Variants in AOPEP observed in about 807,000 individuals in gnomAD.
The protein encoded by AOPEP is aminopeptidase O (putative), also known as aminopeptidase O.
AOPEP carries 77 observed loss-of-function variants against 98.1 expected under a neutral mutation model. The ratio of observed to expected loss-of-function variants is 0.78; its 90% CI spans 0.65 to 0.95. The LOEUF is 0.95. Among genes scored for constraint, AOPEP ranks in the 40% least tolerant of loss-of-function variants. AOPEP has a pLI of 0.00. For missense variants in AOPEP, 1,024 were observed against 1,024.7 expected, an observed-to-expected ratio of 1.00 and a Z score of 0.01; for synonymous variants, 346 against 365.3, an observed-to-expected ratio of 0.95 and a Z score of 0.60.
At chr9:94,876,368 C>CTTTTT (rs566693216) in intron 5 of AOPEP, among the ~76,000 whole-genome samples, 7 of 140,664 alleles carry the variant, frequency 5.0e-5, no homozygotes, top group Middle Eastern at 3.6e-3. Context: ...CTTTTCTTTT[C>CTTTTT]TTTTTTTTTT....
chr9:94,882,591 T>G (rs1217998098), intron 5 of AOPEP, among the ~76,000 whole-genome samples: 2 of 152,082 alleles, frequency 1.3e-5, no homozygotes, highest in African/African-American at 4.8e-5. Context: ...GCCTGGCTAG[T>G]ATGTTGAAAC....
At chr9:94,792,539 A>T (rs1845962015) in intron 3 of AOPEP, among the ~76,000 whole-genome samples, 1 of 152,028 alleles carries the variant, frequency 6.6e-6, no homozygotes, top group Non-Finnish European at 1.5e-5. Context: ...CTTCAAACTG[A>T]TCCGTGGAAG....
intron 5 of AOPEP, among the ~76,000 whole-genome samples, chr9:94,878,999 A>G (rs1207164067): frequency 6.6e-6 from 1 of 152,216 alleles, no homozygotes; most frequent in Non-Finnish European, 1.5e-5. Flanking sequence ...GGAAGAACTC[A>G]GCTGTCTTCT....
At chr9:95,136,980 C>A in the AOPEP span, among the ~76,000 whole-genome samples, 1 of 152,154 alleles carries the variant, frequency 6.6e-6, no homozygotes, top group Non-Finnish European at 1.5e-5. Flanking sequence ...ACCTGCACAT[C>A]CCAGACAGTG....
intron 14 of AOPEP, among the ~76,000 whole-genome samples, chr9:95,077,560 A>T (rs1264951248): frequency 6.6e-6 from 1 of 152,170 alleles, no homozygotes; most frequent in Non-Finnish European, 1.5e-5. Context: ...ATAAATTAAG[A>T]AATAAGAGCA....
chr9:94,789,196 G>A (rs1364704543), intron 3 of AOPEP, among the ~76,000 whole-genome samples: 1 of 152,118 alleles, frequency 6.6e-6, no homozygotes, highest in African/African-American at 2.4e-5. Flanking sequence ...CTCTCTCCTT[G>A]TTGGTTCATG....
chr9:94,841,635 G>A (rs1424596288), intron 5 of AOPEP, among the ~76,000 whole-genome samples: 1 of 151,850 alleles, frequency 6.6e-6, no homozygotes. Context: ...TTGATTTTTA[G>A]TTAATTCACT....
At chr9:94,753,213 T>C (rs1301786138) in intron 1 of AOPEP, among the ~76,000 whole-genome samples, 1 of 152,120 alleles carries the variant, frequency 6.6e-6, no homozygotes, top group African/African-American at 2.4e-5. Context: ...ACAAGTAGAA[T>C]AAAATTGGAC....
intron 3 of AOPEP, among the ~76,000 whole-genome samples, chr9:94,787,855 C>T (rs1272334058): frequency 6.6e-5 from 10 of 152,002 alleles, no homozygotes; most frequent in Admixed American, 6.6e-4. Context: ...TAGAAGTAAC[C>T]ACTTTTACCT....
At chr9:94,815,460 C>T (rs1851502413) in intron 5 of AOPEP, among the ~76,000 whole-genome samples, 1 of 152,148 alleles carries the variant, frequency 6.6e-6, no homozygotes, top group Non-Finnish European at 1.5e-5. Flanking sequence ...TCAAGAGTCA[C>T]CTGAGGCTCC....
chr9:95,125,191 C>T, the AOPEP span: 6 of 1,609,802 alleles, frequency 3.7e-6, no homozygotes, highest in Non-Finnish European at 5.1e-6. Flanking sequence ...CACACCTGAA[C>T]AATGCAAAGT....
At chr9:94,795,314 G>C (rs1032671569) in intron 4 of AOPEP, among the ~76,000 whole-genome samples, 4 of 151,998 alleles carry the variant, frequency 2.6e-5, no homozygotes, top group Non-Finnish European at 5.9e-5. Flanking sequence ...CATGATTTGA[G>C]CCACCATTAT....
chr9:94,754,962 G>A (rs1239324389), intron 1 of AOPEP, among the ~76,000 whole-genome samples: 1 of 152,208 alleles, frequency 6.6e-6, no homozygotes, highest in Non-Finnish European at 1.5e-5. Flanking sequence ...GCTCTGTTTA[G>A]TATGTGATCC....
At chr9:94,996,112 C>T (rs1308276539) in intron 11 of AOPEP, among the ~76,000 whole-genome samples, 1 of 152,124 alleles carries the variant, frequency 6.6e-6, no homozygotes, top group Non-Finnish European at 1.5e-5. Context: ...ATGGACACAG[C>T]TCGGCCTGTG....
At chr9:94,945,417 A>G (rs1221292207) in intron 7 of AOPEP, among the ~76,000 whole-genome samples, 2 of 152,192 alleles carry the variant, frequency 1.3e-5, no homozygotes, top group African/African-American at 2.4e-5. Context: ...AAACAATGCT[A>G]TGGTGAATGG....
chr9:95,079,476 G>A (rs2069472510), intron 14 of AOPEP, among the ~76,000 whole-genome samples: 2 of 152,252 alleles, frequency 1.3e-5, no homozygotes, highest in Admixed American at 1.3e-4. Context: ...TGTTGGTTCA[G>A]TGATGGAGTA....
intron 5 of AOPEP, among the ~76,000 whole-genome samples, chr9:94,865,161 C>T (rs2045570735): frequency 6.6e-6 from 1 of 152,094 alleles, no homozygotes; most frequent in African/African-American, 2.4e-5. Flanking sequence ...AATAAGAAAT[C>T]CTAGAGAATG....
the AOPEP span, among the ~76,000 whole-genome samples, chr9:95,097,848 T>C: frequency 6.6e-6 from 1 of 152,144 alleles, no homozygotes; most frequent in Non-Finnish European, 1.5e-5. Flanking sequence ...GAAGACATGT[T>C]ATGTACTTAC....
the AOPEP span, chr9:95,100,593 T>C: frequency 3.5e-5 from 8 of 230,696 alleles, no homozygotes; most frequent in Non-Finnish European, 6.9e-5. Flanking sequence ...AAAAGCACCC[T>C]GTACTGACAT....
Sources: allele counts gnomAD v4.1 joint callset (sites outside exome capture counted in the v4.1 genomes callset), GRCh38; gene constraint gnomAD v4.1.1; transcripts MANE v1.5; gene names NCBI Gene and HGNC (gene_info 2026-07-23, HGNC 2026-07-21).